Variants in SNX29 observed in about 807,000 individuals in gnomAD.
SNX29 encodes sorting nexin-29.
Under a neutral mutation model 102.1 loss-of-function variants are expected in SNX29, and 78 were observed. The observed-to-expected ratio is 0.76, with a 90% confidence interval of 0.64 to 0.92. The LOEUF (loss-of-function observed/expected upper bound fraction) is 0.92, where lower values mean the gene tolerates loss of function less well. Among genes scored for constraint, SNX29 ranks in the 40% least tolerant of loss-of-function variants. The pLI, the probability that SNX29 is intolerant of heterozygous loss-of-function variation, is 0.00. For synonymous variants in SNX29, 580 were observed against 414.5 expected (o/e 1.40, Z -4.85); for missense variants, 1,280 against 1,061.7 (o/e 1.21, Z -2.86).
chr16:12,563,884 G>A (rs867039966), intron 20 of SNX29, among the ~76,000 whole-genome samples: 12 of 152,104 alleles, frequency 7.9e-5, no homozygotes, highest in South Asian at 4.2e-4. Context: ...TAGCCCCTTG[G>A]GCCTCTGCCG....
At chr16:12,060,939 T>C in intron 8 of SNX29, 1 of 446,728 alleles carries the variant, frequency 2.2e-6, no homozygotes, top group South Asian at 1.6e-5. Flanking sequence ...GATTCTGTCC[T>C]TTTACCCACG....
intron 14 of SNX29, among the ~76,000 whole-genome samples, chr16:12,219,033 C>T (rs772988901): frequency 6.6e-4 from 101 of 152,148 alleles, no homozygotes; most frequent in Middle Eastern, 3.2e-3. Context: ...CTTGGCCTCC[C>T]AAAGTGCTGG....
At chr16:12,087,545 A>G in intron 11 of SNX29, 1 of 301,146 alleles carries the variant, frequency 3.3e-6, no homozygotes, top group Non-Finnish European at 6.5e-6. Flanking sequence ...TGCATTGAGC[A>G]GTGATCATGA....
chr16:12,323,600 A>C (rs2081029390), intron 15 of SNX29, among the ~76,000 whole-genome samples: 1 of 152,080 alleles, frequency 6.6e-6, no homozygotes, highest in African/African-American at 2.4e-5. Flanking sequence ...GGCATGAGAA[A>C]GGGAAAAGCT....
At chr16:12,254,544 G>T (rs914955053) in intron 14 of SNX29, among the ~76,000 whole-genome samples, 2 of 152,098 alleles carry the variant, frequency 1.3e-5, no homozygotes, top group Non-Finnish European at 2.9e-5. Flanking sequence ...GGGAGGCTAA[G>T]GCAGGAGAAT....
In SNX29 at chr16:12,001,634, T is replaced by C. The variant is rs529278612; in HGVS notation, c.70-1357T>C. ...ACATATACACATACACACACACAGATACACACACACACATTGTAGTAGTTT... is the reference window on the plus strand; with the variant it reads ...ACATATACACATACACACACACAGACACACACACACACATTGTAGTAGTTT... On this transcript the variant is annotated intron_variant, in intron 2 of 20. Coordinates refer to ENST00000566228, the MANE Select transcript of SNX29 (RefSeq NM_032167.5). Among the ~76,000 whole-genome samples, 11 of 151,958 alleles carry C rather than the reference T, an allele frequency of 7.2e-5. No homozygotes were observed. In the South Asian group the frequency reaches 2.3e-3, roughly 32 times the overall value.
chr16:12,547,567 C>G (rs887734014), intron 20 of SNX29, among the ~76,000 whole-genome samples: 4 of 152,042 alleles, frequency 2.6e-5, no homozygotes, highest in East Asian at 1.9e-4. Context: ...GTTAACATCC[C>G]CCTCCCTCAC....
intron 14 of SNX29, among the ~76,000 whole-genome samples, chr16:12,258,313 C>G (rs1051933501): frequency 1.3e-5 from 2 of 152,132 alleles, no homozygotes; most frequent in Admixed American, 6.6e-5. Flanking sequence ...TTTCTGTTCC[C>G]GGAAGAAGTC....
chr16:12,563,814 T>C (rs67573680), intron 20 of SNX29, among the ~76,000 whole-genome samples: 39,520 of 151,970 alleles, frequency 0.26, 5,746 homozygotes, highest in East Asian at 0.44. Flanking sequence ...CATTTGCTGC[T>C]TTTTATTTAT....
chr16:12,259,206 C>G (rs549567595), intron 14 of SNX29, among the ~76,000 whole-genome samples: 1 of 152,134 alleles, frequency 6.6e-6, no homozygotes, highest in Admixed American at 6.5e-5. Flanking sequence ...TATATCGTTC[C>G]GATTTGTCAA....
chr16:12,462,099 C>G (rs2086830985), intron 18 of SNX29, among the ~76,000 whole-genome samples: 1 of 147,408 alleles, frequency 6.8e-6, no homozygotes, highest in African/African-American at 2.5e-5. Flanking sequence ...CTCAAACACC[C>G]TGAACACCCT....
intron 19 of SNX29, among the ~76,000 whole-genome samples, chr16:12,523,155 G>A (rs2090163011): frequency 6.6e-6 from 1 of 152,194 alleles, no homozygotes; most frequent in African/African-American, 2.4e-5. Context: ...GTGATGCTAG[G>A]TGGTTTTTCT....
chr16:12,176,804 C>G (rs1294268063), intron 13 of SNX29, among the ~76,000 whole-genome samples: 1 of 152,116 alleles, frequency 6.6e-6, no homozygotes. Context: ...GTGTTGCTAT[C>G]AAATGTTGAT....
At chr16:12,154,258 G>T (rs138530368) in intron 13 of SNX29, among the ~76,000 whole-genome samples, 1 of 152,102 alleles carries the variant, frequency 6.6e-6, no homozygotes, top group Admixed American at 6.6e-5. Flanking sequence ...CACAGAAGGA[G>T]AAAAAACACA....
At chr16:12,230,847 T>C (rs1473894515) in intron 14 of SNX29, among the ~76,000 whole-genome samples, 1 of 151,724 alleles carries the variant, frequency 6.6e-6, no homozygotes, top group Non-Finnish European at 1.5e-5. Context: ...TATGTATGTA[T>C]ATATGTATGT....
chr16:12,498,351 T>C (rs1195981721), intron 19 of SNX29, among the ~76,000 whole-genome samples: 1 of 152,192 alleles, frequency 6.6e-6, no homozygotes, highest in Non-Finnish European at 1.5e-5. Context: ...TTTGGAATTT[T>C]ATCCTGAAAG....
intron 13 of SNX29, among the ~76,000 whole-genome samples, chr16:12,134,365 T>C (rs2054583931): frequency 6.6e-6 from 1 of 152,218 alleles, no homozygotes; most frequent in Non-Finnish European, 1.5e-5. Context: ...GAGGATGGCT[T>C]AGCCAGGGCA....
chr16:12,023,670 C>T (rs1451468023), intron 3 of SNX29, among the ~76,000 whole-genome samples: 1 of 152,046 alleles, frequency 6.6e-6, no homozygotes, highest in African/African-American at 2.4e-5. Context: ...TCTACTGCTT[C>T]CCATATAAGA....
intron 10 of SNX29, among the ~76,000 whole-genome samples, chr16:12,076,156 A>G (rs945722327): frequency 1.3e-5 from 2 of 152,148 alleles, no homozygotes; most frequent in African/African-American, 4.8e-5. Context: ...TGGCTGGTGC[A>G]TGGTGCGCTG....
Sources: gnomAD v4.1 joint callset for allele counts (sites outside exome capture counted in the v4.1 genomes callset) on GRCh38, gnomAD v4.1.1 for gene constraint, MANE v1.5 for transcripts, NCBI Gene and HGNC (gene_info 2026-07-23, HGNC 2026-07-21) for gene names.